FGFR2: variants seen among roughly 807,000 people sequenced by gnomAD.
FGFR2 encodes BEK fibroblast growth factor receptor.
FGFR2 carries 19 observed loss-of-function variants against 95.9 expected under a neutral mutation model. The ratio of observed to expected loss-of-function variants is 0.20; its 90% CI spans 0.14 to 0.29. The LOEUF is 0.29. Among genes scored for constraint, FGFR2 ranks in the 10% least tolerant of loss-of-function variants. FGFR2 has a pLI of 1.00. For synonymous variants in FGFR2, 392 were observed against 393.3 expected (o/e 1.00, Z 0.04); for missense variants, 707 against 1,056.9 (o/e 0.67, Z 4.59).
intron 2 of FGFR2, among the ~76,000 whole-genome samples, chr10:121,571,953 A>AT (rs1435789083): frequency 5.8e-5 from 8 of 137,006 alleles, no homozygotes; most frequent in Non-Finnish European, 1.1e-4. Context: ...CAAAAAAAAA[A>AT]TAAAAAAAAA....
chr10:121,562,889 T>C (rs908453947), intron 4 of FGFR2, among the ~76,000 whole-genome samples: 2 of 152,216 alleles, frequency 1.3e-5, no homozygotes, highest in African/African-American at 2.4e-5. Context: ...GGGAAGATTA[T>C]ATGGGAAATC....
intron 17 of FGFR2, among the ~76,000 whole-genome samples, chr10:121,481,679 T>C (rs1844707075): frequency 6.6e-6 from 1 of 152,144 alleles, no homozygotes; most frequent in Non-Finnish European, 1.5e-5. Context: ...CACCAGACAA[T>C]ATGGCATTCT....
Position 121,517,220 on chromosome 10 carries a change from G to C in FGFR2, c.1084+99C>G, listed in dbSNP as rs774014600. ...TAACATTTTTTATATCTTTATGCAA[G>C]GATAAAAGGGGCCATTTCTGATAAC... On this transcript the variant is annotated intron_variant, in intron 8 of 17. Coordinates refer to ENST00000358487, the MANE Select transcript of FGFR2 (RefSeq NM_000141.5). This position sits in a 1 kb window ranked among gnomAD's most constrained non-coding sequence, Gnocchi z 4.7. 85 of 1,308,748 alleles carry C rather than the reference G, an allele frequency of 6.5e-5. No homozygotes were observed. In the East Asian group the frequency reaches 1.9e-3, roughly 29 times the overall value. The allele number at this position is 1,308,748 out of a possible 1,614,324, so 81.1% of individuals were successfully genotyped here.
Position 121,517,538 on chromosome 10 carries a change from G to C in FGFR2, c.940-75C>G. The C allele has an allele frequency of 6.3e-6, 10 of 1,585,566 alleles. No homozygotes were observed. Among genetic ancestry groups the C allele is most frequent in the Non-Finnish European group, 8.6e-6 (10 of 1,157,348 alleles). Reference sequence around the variant, plus strand: ...TGTGGAGGGGGCTGTGGAACCACAAGGCGTCGCACCGGGGGCTTCAGGGGG... The same window carrying C: ...TGTGGAGGGGGCTGTGGAACCACAACGCGTCGCACCGGGGGCTTCAGGGGG... On this transcript the variant is annotated intron_variant, in intron 7 of 17. Transcript: ENST00000358487. This position sits in a 1 kb window ranked among gnomAD's most constrained non-coding sequence, Gnocchi z 4.7.
intron 4 of FGFR2, among the ~76,000 whole-genome samples, chr10:121,556,582 C>A (rs1435872983): frequency 1.3e-5 from 2 of 152,146 alleles, no homozygotes; most frequent in Non-Finnish European, 2.9e-5. Context: ...GTGATTTGAT[C>A]AAGGTCACAC....
intron 17 of FGFR2, among the ~76,000 whole-genome samples, chr10:121,481,162 CCT>C (rs1564845660): frequency 1.3e-5 from 2 of 152,090 alleles, no homozygotes; most frequent in African/African-American, 2.4e-5. Flanking sequence ...GTTGCCGACC[CCT>C]GTTCTGAAGC....
In FGFR2 at chr10:121,515,338, G is replaced by A. The variant is rs551301348; in HGVS notation, c.1085-19C>T. The stretch of plus-strand genomic sequence containing the variant: ...CCAGGCGCTAGATTGCAGATCACAG[G>A]AGGAGGAACAGATAAGCAGGCCATA... On this transcript the variant is annotated intron_variant, in intron 8 of 17. Transcript: ENST00000358487. 12 of 1,611,952 alleles carry A rather than the reference G, an allele frequency of 7.4e-6. No individual in the cohort carries two copies. Among genetic ancestry groups the A allele is most frequent in the Non-Finnish European group, 1.0e-5 (12 of 1,178,204 alleles).
At chr10:121,588,752 T>G (rs1028541229) in intron 2 of FGFR2, among the ~76,000 whole-genome samples, 9 of 151,910 alleles carry the variant, frequency 5.9e-5, no homozygotes, top group African/African-American at 2.2e-4. Flanking sequence ...CTACGAAATA[T>G]TTTTAAAAAT....
chr10:121,538,752 C>T (rs752890583), intron 5 of FGFR2, 37 bp from the exon 6 acceptor site: 1 of 1,613,950 alleles, frequency 6.2e-7, no homozygotes, highest in Non-Finnish European at 8.5e-7. Flanking sequence ...ATTTAACAAT[C>T]CTAGCACAGA....
At chr10:121,548,137 C>G (rs1436418984) in intron 5 of FGFR2, among the ~76,000 whole-genome samples, 1 of 152,004 alleles carries the variant, frequency 6.6e-6, no homozygotes, top group African/African-American at 2.4e-5. Context: ...GCCAACCTCC[C>G]AGGCCGCCCC....
rs544553887 is a variant in FGFR2, at chr10:121,597,314, G to A, written c.-151+648C>T. Among the ~76,000 whole-genome samples, 287 of 152,370 alleles carry A rather than the reference G, an allele frequency of 1.9e-3. 1 individual carries two copies. Among genetic ancestry groups the A allele is most frequent in the African/African-American group, 6.1e-3 (254 of 41,590 alleles). On this transcript the variant is annotated intron_variant, in intron 1 of 17. Transcript: ENST00000358487. ...TCGACATCTCCCAGCCGCTGCGGCA[G>A]AGCAGGCAGGCGAACTAGAAAAAGT...
chr10:121,480,284 C>T (rs1844510913), intron 17 of FGFR2: 1 of 527,160 alleles, frequency 1.9e-6, no homozygotes, highest in African/African-American at 1.9e-5. Flanking sequence ...CTGTCCTTAG[C>T]TTTTCTCTTG....
intron 17 of FGFR2, chr10:121,482,206 A>T: frequency 1.2e-6 from 2 of 1,609,488 alleles, no homozygotes; most frequent in Non-Finnish European, 1.7e-6. Flanking sequence ...GGATATCAGT[A>T]GATTCCAAGT....
At chr10:121,558,337 T>C (rs968702835) in intron 4 of FGFR2, among the ~76,000 whole-genome samples, 2 of 152,248 alleles carry the variant, frequency 1.3e-5, no homozygotes, top group African/African-American at 4.8e-5. Flanking sequence ...ACTGCAACTT[T>C]CTTTCTGGAG....
intron 2 of FGFR2, among the ~76,000 whole-genome samples, chr10:121,575,885 A>G (rs1034702940): frequency 6.7e-6 from 1 of 149,366 alleles, no homozygotes; most frequent in Non-Finnish European, 1.5e-5. Flanking sequence ...AAAAATAATA[A>G]TAATTTAAAA....
At chr10:121,486,665 C>T (rs922131099) in intron 15 of FGFR2, among the ~76,000 whole-genome samples, 3 of 152,210 alleles carry the variant, frequency 2.0e-5, no homozygotes, top group East Asian at 1.9e-4. Context: ...TGGCCTTGAT[C>T]TCCTGACCTC....
chr10:121,522,460 G>A (rs1357945213), intron 6 of FGFR2, among the ~76,000 whole-genome samples: 1 of 152,042 alleles, frequency 6.6e-6, no homozygotes, highest in African/African-American at 2.4e-5. Context: ...TGGGACTGAG[G>A]TGAGAGAATG....
intron 2 of FGFR2, among the ~76,000 whole-genome samples, chr10:121,571,772 C>G (rs1291778744): frequency 6.7e-6 from 1 of 149,112 alleles, no homozygotes; most frequent in Non-Finnish European, 1.5e-5. Context: ...GGAGAAACCC[C>G]GTCTCTACTG....
At chr10:121,566,941 A>G (rs868686245) in intron 2 of FGFR2, among the ~76,000 whole-genome samples, 1 of 152,094 alleles carries the variant, frequency 6.6e-6, no homozygotes, top group Non-Finnish European at 1.5e-5. Context: ...GCATTTATTA[A>G]TAACAACAGC....
Sources: allele counts gnomAD v4.1 joint callset (sites outside exome capture counted in the v4.1 genomes callset), GRCh38; gene constraint gnomAD v4.1.1; non-coding constraint Gnocchi (gnomAD v3.1); transcripts MANE v1.5; gene names NCBI Gene and HGNC (gene_info 2026-07-23, HGNC 2026-07-21).